FTMT: variants seen among roughly 807,000 people sequenced by gnomAD.
The protein encoded by FTMT is ferritin, mitochondrial.
Under a neutral mutation model 4.9 loss-of-function variants are expected in FTMT, and 5 were observed. That is an observed-to-expected ratio of 1.03 (90% CI 0.54 to 2.16). The LOEUF is 2.16. Among genes scored for constraint, FTMT ranks in the 30% most tolerant of loss-of-function variants. The pLI, the probability that FTMT is intolerant of heterozygous loss-of-function variation, is 0.01. For missense variants in FTMT, 393 were observed against 323.0 expected (o/e 1.22, Z -1.66); for synonymous variants, 174 against 143.6 (o/e 1.21, Z -1.51).
rs758493485 is a variant in FTMT at position 121,852,173 on chromosome 5, G to T, written c.210G>T (p.Gln70His). ...CCGCCGGCCCCTCTCGGGTGCGCCAGAACTTCCACCCCGACTCCGAGGCTG... is the reference window on the plus strand; with the variant it reads ...CCGCCGGCCCCTCTCGGGTGCGCCATAACTTCCACCCCGACTCCGAGGCTG... The part of the protein sequence containing the change: ...GPAAGPSRVR[Q>H]NFHPDSEAAI... The change falls in exon 1 of 1, where the codon CAG (glutamine) becomes CAT (histidine). Residue 70 changes from glutamine (Q) to histidine (H), a missense_variant. Transcript: ENST00000321339. The T allele has an allele frequency of 3.2e-5, 51 of 1,612,984 alleles. No homozygotes were observed. Among genetic ancestry groups the T allele is most frequent in the Non-Finnish European group, 4.2e-5 (49 of 1,179,500 alleles).
Position 121,851,935 on chromosome 5 carries a change from A to G in FTMT, c.-29A>G. ...CCCCACGCCAAGAGGGCCGGGCCTC[A>G]GTTTCCCCACTTCCAAGGAGGCGGC... On this transcript the variant is annotated 5_prime_UTR_variant, in exon 1 of 1. Transcript: ENST00000321339. 1 of 1,555,628 alleles carries G rather than the reference A, an allele frequency of 6.4e-7. No individual in the cohort carries two copies. The highest frequency in any genetic ancestry group is 8.6e-7 in the Non-Finnish European group (1 of 1,160,508).
chr5:121,851,894 C>A lies in FTMT; in HGVS notation c.-70C>A, dbSNP rs1285879950. On this transcript the variant is annotated 5_prime_UTR_variant, in exon 1 of 1. Transcript: ENST00000321339. The stretch of plus-strand genomic sequence containing the variant: ...AGGGCCACGTTCTGATCAGATCTGA[C>A]GCCTCCAGCGCCCGACCCCACGCCA... 9.4e-6 allele frequency: 14 copies of A among 1,484,410 alleles called. No homozygotes were observed. The East Asian group carries it at 3.4e-4, about 36-fold the overall frequency. The allele number at this position is 1,484,410 out of a possible 1,614,324, so 92.0% of individuals were successfully genotyped here.
Position 121,852,317 on chromosome 5 carries a change from G to T in FTMT, c.354G>T (p.Gln118His). ...ACTTCTCCAGGTATTTCCTTCACCA[G>T]TCCCGGGAGGAGACCGAGCACGCGG... is the stretch of plus-strand genomic sequence containing the variant. ...LNNFSRYFLH[Q>H]SREETEHAEK... The change falls in exon 1 of 1, where the codon CAG becomes CAT. Residue 118 changes from glutamine (Q) to histidine (H), a missense_variant. Transcript: ENST00000321339. 6.2e-7 allele frequency: 1 copy of T among 1,614,154 alleles called. No individual in the cohort carries two copies. The highest frequency in any genetic ancestry group is 1.1e-5 in the South Asian group (1 of 91,078).
At position 121,852,460 on chromosome 5, in the gene FTMT, T is replaced by C; in HGVS notation, c.497T>C (p.Leu166Ser). The C allele has an allele frequency of 6.2e-7, 1 of 1,614,058 alleles. No homozygotes were observed. Among genetic ancestry groups the C allele is most frequent in the Non-Finnish European group, 8.5e-7 (1 of 1,180,012 alleles). Residue 166 changes from leucine to serine, a missense_variant, in exon 1 of 1, where the codon TTG (leucine) becomes TCG (serine). Coordinates refer to ENST00000321339, the MANE Select transcript of FTMT (RefSeq NM_177478.2). ...GLHAMECALL[L>S]EKNVNQSLLE... ...CATGCCATGGAGTGTGCTCTACTCT[T>C]GGAAAAGAACGTGAACCAGTCGTTG...
In FTMT at chr5:121,851,938, T is replaced by A. The variant is rs1750051729; in HGVS notation, c.-26T>A. On this transcript the variant is annotated 5_prime_UTR_variant, in exon 1 of 1. Transcript: ENST00000321339. The stretch of plus-strand genomic sequence containing the variant: ...CACGCCAAGAGGGCCGGGCCTCAGT[T>A]TCCCCACTTCCAAGGAGGCGGCGCT... 6.4e-7 allele frequency: 1 copy of A among 1,561,528 alleles called. No individual in the cohort carries two copies. Among genetic ancestry groups the A allele is most frequent in the African/African-American group, 1.4e-5 (1 of 71,028 alleles).
chr5:121,852,639 G>A lies in FTMT; in HGVS notation c.676G>A (p.Ala226Thr), dbSNP rs766970941. Residue 226 changes from alanine to threonine, a missense_variant, in exon 1 of 1, where the codon GCG (alanine) becomes ACG (threonine). Transcript: ENST00000321339. ...GATGGGGGCCCCGGATGCTGGCCTGGCGGAGTACCTTTTTGACACACATAC... is the reference window on the plus strand; with the variant it reads ...GATGGGGGCCCCGGATGCTGGCCTGACGGAGTACCTTTTTGACACACATAC... ...VKMGAPDAGL[A>T]EYLFDTHTLG... 6.2e-7 allele frequency: 1 copy of A among 1,614,048 alleles called. No individual in the cohort carries two copies.
chr5:121,851,903 C>A lies in FTMT; in HGVS notation c.-61C>A. ...TTCTGATCAGATCTGACGCCTCCAG[C>A]GCCCGACCCCACGCCAAGAGGGCCG... On this transcript the variant is annotated 5_prime_UTR_variant, in exon 1 of 1. Coordinates refer to ENST00000321339, the MANE Select transcript of FTMT (RefSeq NM_177478.2). 2.0e-6 allele frequency: 3 copies of A among 1,503,530 alleles called. No individual in the cohort carries two copies. The highest frequency in any genetic ancestry group is 2.5e-4 in the Middle Eastern group (1 of 3,988). 93.1% of individuals were successfully genotyped at this position (1,503,530 alleles called of 1,614,324 possible). A position where few individuals can be genotyped will look rare whatever the true frequency, so the allele number is the denominator to read the frequency against.
chr5:121,852,222 G>C lies in FTMT; in HGVS notation c.259G>C (p.Glu87Gln). 7 of 1,614,122 alleles carry C rather than the reference G, an allele frequency of 4.3e-6. No individual in the cohort carries two copies. The highest frequency in any genetic ancestry group is 5.9e-6 in the Non-Finnish European group (7 of 1,180,012). Reference protein sequence around the residue: ...EAAINRQINLELYASYVYLSM... With the variant: ...EAAINRQINLQLYASYVYLSM... The stretch of plus-strand genomic sequence containing the variant: ...TGCCATCAACCGCCAGATCAACCTC[G>C]AGCTCTATGCGTCCTACGTGTACTT... Residue 87 changes from glutamate to glutamine, a missense_variant, in exon 1 of 1, where the codon GAG becomes CAG. Transcript: ENST00000321339.
rs1750076834 is a variant in FTMT, at chr5:121,852,622, C to A, written c.659C>A (p.Ala220Asp). The stretch of plus-strand genomic sequence containing the variant: ...GTGCACAACTTAGTGAAGATGGGGG[C>A]CCCGGATGCTGGCCTGGCGGAGTAC... The part of the protein sequence containing the change: ...DHVHNLVKMG[A>D]PDAGLAEYLF... The change falls in exon 1 of 1, where the codon GCC (alanine) becomes GAC (aspartate). Residue 220 changes from alanine to aspartate, a missense_variant. Transcript: ENST00000321339. 3.1e-6 allele frequency: 5 copies of A among 1,614,012 alleles called. No individual in the cohort carries two copies. Among genetic ancestry groups the A allele is most frequent in the Non-Finnish European group, 3.4e-6 (4 of 1,180,006 alleles).
rs771781819 is a variant in FTMT, at chr5:121,852,302, G to C, written c.339G>C (p.Arg113Ser). The part of the protein sequence containing the change: ...RDDVALNNFS[R>S]YFLHQSREET... ...ACGTGGCCTTGAACAACTTCTCCAG[G>C]TATTTCCTTCACCAGTCCCGGGAGG... Residue 113 changes from arginine to serine, a missense_variant, in exon 1 of 1, where the codon AGG becomes AGC. By Grantham distance (110) the Arg-to-Ser change is moderately radical. Coordinates refer to ENST00000321339, the MANE Select transcript of FTMT (RefSeq NM_177478.2). 1 of 1,614,014 alleles carries C rather than the reference G, an allele frequency of 6.2e-7. No individual in the cohort carries two copies. Among genetic ancestry groups the C allele is most frequent in the African/African-American group, 1.3e-5 (1 of 74,916 alleles).
Position 121,852,497 on chromosome 5 carries a change from C to T in FTMT, c.534C>T (p.His178=). Residue 178 remains histidine (H), a synonymous_variant, in exon 1 of 1, where the codon CAC becomes CAT. Transcript: ENST00000321339. ...TGAACCAGTCGTTGCTGGAATTGCACGCTCTAGCCTCAGATAAAGGTGACC... is the reference window on the plus strand; with the variant it reads ...TGAACCAGTCGTTGCTGGAATTGCATGCTCTAGCCTCAGATAAAGGTGACC... ...KNVNQSLLEL[H]ALASDKGDPH... is the part of the protein sequence containing the mutation. 4 of 1,614,086 alleles carry T rather than the reference C, an allele frequency of 2.5e-6. No individual in the cohort carries two copies. Among genetic ancestry groups the T allele is most frequent in the Non-Finnish European group, 3.4e-6 (4 of 1,180,026 alleles).
In FTMT at chr5:121,852,427, G is replaced by A; in HGVS notation, c.464G>A (p.Ser155Asn). ...IKKPEQDDWE[S>N]GLHAMECALL... Reference sequence around the variant, plus strand: ...AAGCCGGAACAGGACGACTGGGAAAGCGGGCTGCATGCCATGGAGTGTGCT... The same window carrying A: ...AAGCCGGAACAGGACGACTGGGAAAACGGGCTGCATGCCATGGAGTGTGCT... The change falls in exon 1 of 1, where the codon AGC becomes AAC. Residue 155 changes from serine (S) to asparagine (N), a missense_variant. By Grantham distance (46) the Ser-to-Asn change is conservative. Coordinates refer to ENST00000321339, the MANE Select transcript of FTMT (RefSeq NM_177478.2). 6.2e-7 allele frequency: 1 copy of A among 1,614,178 alleles called. No homozygotes were observed. The highest frequency in any genetic ancestry group is 8.5e-7 in the Non-Finnish European group (1 of 1,180,038).
chr5:121,852,151 C>T lies in FTMT; in HGVS notation c.188C>T (p.Ala63Val), dbSNP rs1179559770. The T allele has an allele frequency of 6.2e-7, 1 of 1,607,240 alleles. No individual in the cohort carries two copies. The highest frequency in any genetic ancestry group is 2.2e-5 in the East Asian group (1 of 44,816). ...TCCCGGGACCCTACCGGGCCCGCCG[C>T]CGGCCCCTCTCGGGTGCGCCAGAAC... is the stretch of plus-strand genomic sequence containing the variant. ...ASSRDPTGPA[A>V]GPSRVRQNFH... is the part of the protein sequence containing the mutation. The change falls in exon 1 of 1, where the codon GCC (alanine) becomes GTC (valine). Residue 63 changes from alanine to valine, a missense_variant. Transcript: ENST00000321339.
In FTMT at chr5:121,852,192, G is replaced by T; in HGVS notation, c.229G>T (p.Glu77Ter). Reference sequence around the variant, plus strand: ...GCGCCAGAACTTCCACCCCGACTCCGAGGCTGCCATCAACCGCCAGATCAA... The same window carrying T: ...GCGCCAGAACTTCCACCCCGACTCCTAGGCTGCCATCAACCGCCAGATCAA... Reference protein sequence around the residue: ...RVRQNFHPDSEAAINRQINLE... With the variant: ...RVRQNFHPDS Residue 77 changes from glutamate to a stop codon, truncating the protein, a stop_gained, in exon 1 of 1, where the codon GAG (glutamate) becomes TAG (stop). Coordinates refer to ENST00000321339, the MANE Select transcript of FTMT (RefSeq NM_177478.2). LOFTEE classifies it low-confidence loss of function (END_TRUNC). 1.9e-6 allele frequency: 3 copies of T among 1,613,836 alleles called. No individual in the cohort carries two copies. Among genetic ancestry groups the T allele is most frequent in the Non-Finnish European group, 2.5e-6 (3 of 1,179,882 alleles).
rs1398561223 is a variant in FTMT at position 121,852,064 on chromosome 5, C to T, written c.101C>T (p.Pro34Leu). 3 of 1,590,496 alleles carry T rather than the reference C, an allele frequency of 1.9e-6. No individual in the cohort carries two copies. Among genetic ancestry groups the T allele is most frequent in the East Asian group, 4.6e-5 (2 of 43,580 alleles). The change falls in exon 1 of 1, where the codon CCG (proline) becomes CTG (leucine). Residue 34 changes from proline (P) to leucine (L), a missense_variant. Coordinates refer to ENST00000321339, the MANE Select transcript of FTMT (RefSeq NM_177478.2). ...CCFALPLRWA[P>L]GRPLDPRQIA... ...TTCGCGCTCCCGCTGCGTTGGGCCC[C>T]GGGGCGCCCCTTGGACCCCAGGCAG...
chr5:121,852,232 C>T lies in FTMT; in HGVS notation c.269C>T (p.Ala90Val). 1.2e-6 allele frequency: 2 copies of T among 1,614,196 alleles called. No individual in the cohort carries two copies. The highest frequency in any genetic ancestry group is 2.2e-5 in the East Asian group (1 of 44,864). The change falls in exon 1 of 1, where the codon GCG (alanine) becomes GTG (valine). Residue 90 changes from alanine to valine, a missense_variant. Coordinates refer to ENST00000321339, the MANE Select transcript of FTMT (RefSeq NM_177478.2). Reference protein sequence around the residue: ...INRQINLELYASYVYLSMAYY... With the variant: ...INRQINLELYVSYVYLSMAYY... The stretch of plus-strand genomic sequence containing the variant: ...CGCCAGATCAACCTCGAGCTCTATG[C>T]GTCCTACGTGTACTTGTCCATGGCC...
Position 121,852,293 on chromosome 5 carries a change from C to T in FTMT, c.330C>T (p.Asn110=), listed in dbSNP as rs1750065032. The T allele has an allele frequency of 3.7e-6, 6 of 1,614,080 alleles. No homozygotes were observed. The highest frequency in any genetic ancestry group is 3.3e-5 in the Admixed American group (2 of 60,014). ...YFSRDDVALN[N]FSRYFLHQSR... is the part of the protein sequence containing the mutation. ...CCCGGGATGACGTGGCCTTGAACAA[C>T]TTCTCCAGGTATTTCCTTCACCAGT... Residue 110 remains asparagine, a synonymous_variant, in exon 1 of 1, where the codon AAC becomes AAT. Coordinates refer to ENST00000321339, the MANE Select transcript of FTMT (RefSeq NM_177478.2).
Position 121,852,018 on chromosome 5 carries a change from C to T in FTMT, c.55C>T (p.Leu19=). Residue 19 remains leucine (L), a synonymous_variant, in exon 1 of 1, where the codon CTG becomes TTG. Transcript: ENST00000321339. ...SRHISPSLAS[L]RPVRCCFALP... is the part of the protein sequence containing the mutation. ...GCACATCAGCCCTTCGCTGGCGTCT[C>T]TGCGCCCGGTGCGCTGCTGCTTCGC... is the stretch of plus-strand genomic sequence containing the variant. 2.5e-6 allele frequency: 4 copies of T among 1,594,314 alleles called. No homozygotes were observed. Among genetic ancestry groups the T allele is most frequent in the Non-Finnish European group, 3.4e-6 (4 of 1,176,004 alleles).
rs199853957 is a variant in FTMT at position 121,852,160 on chromosome 5, C to G, written c.197C>G (p.Ser66Cys). ...CCTACCGGGCCCGCCGCCGGCCCCT[C>G]TCGGGTGCGCCAGAACTTCCACCCC... ...RDPTGPAAGP[S>C]RVRQNFHPDS... Residue 66 changes from serine to cysteine, a missense_variant, in exon 1 of 1, where the codon TCT (serine) becomes TGT (cysteine). By Grantham distance (112) the Ser-to-Cys change is moderately radical (BLOSUM62 -1). Transcript: ENST00000321339. 469 of 1,610,948 alleles carry G rather than the reference C, an allele frequency of 2.9e-4. 1 individual carries two copies. Among genetic ancestry groups the G allele is most frequent in the Non-Finnish European group, 6.2e-5 (73 of 1,178,680 alleles).
Sources: allele counts gnomAD v4.1 joint callset, GRCh38; gene constraint gnomAD v4.1.1; transcripts MANE v1.5; gene names NCBI Gene and HGNC (gene_info 2026-07-23, HGNC 2026-07-21).